Variants in PCDH9 observed in about 807,000 individuals in gnomAD.
The protein encoded by PCDH9 is protocadherin-9.
PCDH9 carries 24 observed loss-of-function variants against 70.6 expected under a neutral mutation model. The observed-to-expected ratio is 0.34, with a 90% CI of 0.25 to 0.48. The LOEUF (loss-of-function observed/expected upper bound fraction) is 0.48, where lower values mean the gene tolerates loss of function less well. Ranked by LOEUF, PCDH9 falls within the 20% of genes least tolerant of loss-of-function variation. PCDH9 has a pLI of 0.99. For missense variants in PCDH9, 1,281 were observed against 1,503.6 expected (o/e 0.85, Z 2.45); for synonymous variants, 562 against 558.5 (o/e 1.01, Z -0.09).
intron 4 of PCDH9, among the ~76,000 whole-genome samples, chr13:66,315,662 A>G (rs1955638212): frequency 6.6e-6 from 1 of 152,018 alleles, no homozygotes; most frequent in Non-Finnish European, 1.5e-5. Flanking sequence ...TGTATCTTTA[A>G]TAGTGACGGG....
intron 4 of PCDH9, among the ~76,000 whole-genome samples, chr13:66,322,727 A>G (rs904771626): frequency 1.3e-5 from 2 of 151,986 alleles, no homozygotes; most frequent in African/African-American, 4.8e-5. Context: ...ATGACATGAA[A>G]TTTTCTGAAG....
At position 66,903,607 on chromosome 13, in the gene PCDH9, T is replaced by G; in HGVS notation, c.3037-2A>C. On this transcript the variant is annotated splice_acceptor_variant, in intron 2 of 4. Coordinates refer to ENST00000377865, the MANE Select transcript of PCDH9 (RefSeq NM_203487.3). LOFTEE classifies it high-confidence loss of function. ...GTCACTTTTGCTGTGTGAGTTACACTGAAAGAGATTACCAAATAATTGTGA... is the reference window on the plus strand; with the variant it reads ...GTCACTTTTGCTGTGTGAGTTACACGGAAAGAGATTACCAAATAATTGTGA... 1.5e-6 allele frequency: 2 copies of G among 1,293,570 alleles called. No homozygotes were observed. Among genetic ancestry groups the G allele is most frequent in the Non-Finnish European group, 2.2e-6 (2 of 890,986 alleles). 80.1% of individuals were successfully genotyped at this position (1,293,570 alleles called of 1,614,324 possible).
intron 4 of PCDH9, among the ~76,000 whole-genome samples, chr13:66,545,137 T>C (rs1961128323): frequency 6.6e-6 from 1 of 152,188 alleles, no homozygotes; most frequent in Admixed American, 6.5e-5. Flanking sequence ...ACAAGGTATT[T>C]TTAATTTCCT....
chr13:66,519,391 G>C (rs1045201976), intron 4 of PCDH9, among the ~76,000 whole-genome samples: 1 of 151,946 alleles, frequency 6.6e-6, no homozygotes, highest in African/African-American at 2.4e-5. Context: ...ATAGGAAATG[G>C]GCAAAAGCTT....
intron 2 of PCDH9, among the ~76,000 whole-genome samples, chr13:67,104,209 G>A (rs538432793): frequency 6.6e-6 from 1 of 152,160 alleles, no homozygotes; most frequent in Admixed American, 6.5e-5. Context: ...ATTTAACTGT[G>A]AGGATAATAA....
intron 2 of PCDH9, among the ~76,000 whole-genome samples, chr13:67,087,067 AAG>A (rs1387543893): frequency 6.7e-6 from 1 of 148,746 alleles, no homozygotes; most frequent in African/African-American, 2.5e-5. Flanking sequence ...AACCATCAAG[AAG>A]AGAGTTTTGA....
At chr13:67,055,542 T>G (rs1197828433) in intron 2 of PCDH9, among the ~76,000 whole-genome samples, 1 of 152,074 alleles carries the variant, frequency 6.6e-6, no homozygotes, top group Non-Finnish European at 1.5e-5. Context: ...CTGTGTGCAG[T>G]GGCTCACGCC....
intron 2 of PCDH9, among the ~76,000 whole-genome samples, chr13:67,106,971 G>A (rs1044748689): frequency 2.0e-5 from 3 of 152,216 alleles, no homozygotes; most frequent in Non-Finnish European, 4.4e-5. Flanking sequence ...AGGTGGGGCT[G>A]AGGATGTCTA....
intron 3 of PCDH9, among the ~76,000 whole-genome samples, chr13:66,651,121 G>C (rs967277838): frequency 6.6e-6 from 1 of 151,340 alleles, no homozygotes; most frequent in Admixed American, 6.6e-5. Flanking sequence ...ATGCATCTTA[G>C]AGAACTAGAA....
At chr13:66,781,229 C>T (rs1273378340) in intron 3 of PCDH9, among the ~76,000 whole-genome samples, 2 of 152,116 alleles carry the variant, frequency 1.3e-5, no homozygotes, top group Admixed American at 6.6e-5. Flanking sequence ...CTAACAGATA[C>T]TCAAACAGAA....
At chr13:66,413,311 T>C (rs1176308146) in intron 4 of PCDH9, among the ~76,000 whole-genome samples, 1 of 152,210 alleles carries the variant, frequency 6.6e-6, no homozygotes, top group Non-Finnish European at 1.5e-5. Context: ...TCTATGAATC[T>C]CCCTATACCC....
At chr13:66,388,684 G>A (rs1956971072) in intron 4 of PCDH9, among the ~76,000 whole-genome samples, 1 of 152,080 alleles carries the variant, frequency 6.6e-6, no homozygotes, top group African/African-American at 2.4e-5. Flanking sequence ...TATTTTGAGG[G>A]TAAAAATGTT....
At position 66,963,882 on chromosome 13, in the gene PCDH9, TA is replaced by T. The variant is rs1303464769; in HGVS notation, c.3037-60278del. On this transcript the variant is annotated intron_variant, in intron 2 of 4. Transcript: ENST00000377865. ...CAATTATGATAATGCAAACTTTTTA[TA>T]TTTTTTTGTGGAAATAGGTGTAACA... 6.6e-5 allele frequency among the ~76,000 whole-genome samples: 10 copies of T among 152,304 alleles called. 1 individual carries two copies. Among genetic ancestry groups the T allele is most frequent in the African/African-American group, 1.4e-4 (6 of 41,574 alleles).
chr13:66,826,678 T>C (rs1228012246), intron 3 of PCDH9, among the ~76,000 whole-genome samples: 1 of 152,130 alleles, frequency 6.6e-6, no homozygotes, highest in African/African-American at 2.4e-5. Context: ...ATTAGTGTTA[T>C]ATGAACTATG....
At chr13:67,132,949 A>C (rs925468544) in intron 2 of PCDH9, among the ~76,000 whole-genome samples, 55 of 152,142 alleles carry the variant, frequency 3.6e-4, no homozygotes, top group African/African-American at 1.3e-3. Context: ...TTCCTGAAAT[A>C]CTCATTTTAT....
intron 4 of PCDH9, among the ~76,000 whole-genome samples, chr13:66,571,684 A>T (rs2076735373): frequency 6.6e-6 from 1 of 152,100 alleles, no homozygotes; most frequent in Non-Finnish European, 1.5e-5. Flanking sequence ...ATAAAAGCTT[A>T]TGAGATAGTA....
intron 3 of PCDH9, among the ~76,000 whole-genome samples, chr13:66,686,516 C>T (rs967718781): frequency 6.6e-6 from 1 of 152,136 alleles, no homozygotes; most frequent in Non-Finnish European, 1.5e-5. Context: ...AGCTTCAATA[C>T]AATATTTGTA....
At position 66,945,736 on chromosome 13, in the gene PCDH9, T is replaced by C. The variant is rs554500347; in HGVS notation, c.3037-42131A>G. 3.3e-5 allele frequency among the ~76,000 whole-genome samples: 5 copies of C among 152,274 alleles called. 1 individual carries two copies. The highest frequency in any genetic ancestry group is 3.3e-4 in the Admixed American group (5 of 15,280). On this transcript the variant is annotated intron_variant, in intron 2 of 4. Coordinates refer to ENST00000377865, the MANE Select transcript of PCDH9 (RefSeq NM_203487.3). ...CCACAGTTATTTTCATCTACTCTCT[T>C]ATGAGTGGACACTTGTTCTTCCCTT... is the stretch of plus-strand genomic sequence containing the variant.
rs777108306 is a variant in PCDH9, at chr13:67,228,142, C to T, written c.299G>A (p.Gly100Asp). Reference sequence around the variant, plus strand: ...CTCATTCTCCTCAGCATATGAGGCGCCAGCACAGAGTTTTTCTCTGTCTAT... The same window carrying T: ...CTCATTCTCCTCAGCATATGAGGCGTCAGCACAGAGTTTTTCTCTGTCTAT... ...NRIDREKLCA[G>D]ASYAEENECF... is the part of the protein sequence containing the mutation. The change falls in exon 2 of 5, where the codon GGC (glycine) becomes GAC (aspartate). Residue 100 changes from glycine to aspartate, a missense_variant. By Grantham distance (94) the Gly-to-Asp change is moderately conservative. Transcript: ENST00000377865. 3.1e-6 allele frequency: 5 copies of T among 1,614,038 alleles called. No individual in the cohort carries two copies. The highest frequency in any genetic ancestry group is 1.1e-5 in the South Asian group (1 of 91,064).
Sources: gnomAD v4.1 joint callset for allele counts (sites outside exome capture counted in the v4.1 genomes callset) on GRCh38, gnomAD v4.1.1 for gene constraint, MANE v1.5 for transcripts, NCBI Gene and HGNC (gene_info 2026-07-23, HGNC 2026-07-21) for gene names.